Variants in ITFG1 observed in about 807,000 individuals in gnomAD.
The protein encoded by ITFG1 is T-cell immunomodulatory protein.
Under a neutral mutation model 81.8 loss-of-function variants are expected in ITFG1, and 34 were observed. The observed-to-expected ratio is 0.42, with a 90% CI of 0.32 to 0.55. ITFG1 has a LOEUF of 0.55. Ranked by LOEUF, ITFG1 falls within the 20% of genes least tolerant of loss-of-function variation. The probability of loss-of-function intolerance (pLI) is 0.17; values close to 1 mark genes in which losing one functional copy is unlikely to be tolerated. For synonymous variants in ITFG1, 285 were observed against 270.6 expected (o/e 1.05, Z -0.52); for missense variants, 672 against 755.4 (o/e 0.89, Z 1.29).
intron 10 of ITFG1, among the ~76,000 whole-genome samples, chr16:47,265,169 C>A (rs9922882): frequency 2.9e-3 from 233 of 79,128 alleles, no homozygotes; most frequent in African/African-American, 0.01. Context: ...AAATACTTCC[C>A]AGCCTTTTAT....
At chr16:47,405,201 A>ATGG (rs1197883945) in intron 6 of ITFG1, among the ~76,000 whole-genome samples, 1 of 152,186 alleles carries the variant, frequency 6.6e-6, no homozygotes, top group East Asian at 1.9e-4. Flanking sequence ...TAGAGAATAC[A>ATGG]CATAGAAGAT....
intron 14 of ITFG1, among the ~76,000 whole-genome samples, chr16:47,171,502 C>A (rs563379008): frequency 6.6e-6 from 1 of 152,066 alleles, no homozygotes; most frequent in South Asian, 2.1e-4. Flanking sequence ...CTTTTGATTT[C>A]TATGATGATT....
chr16:47,241,130 AAC>A (rs1965929201), intron 12 of ITFG1, among the ~76,000 whole-genome samples: 1 of 152,224 alleles, frequency 6.6e-6, no homozygotes, highest in Non-Finnish European at 1.5e-5. Flanking sequence ...GTTATAATAA[AAC>A]AGTCCAAGAA....
rs141545011 is a variant in ITFG1, at chr16:47,318,068, T to A, written c.803-4245A>T. Reference sequence around the variant, plus strand: ...AACAGTTAGATTTGCATTTTTAACCTAGCTTAGCTGCTAATAATGAGTAAT... The same window carrying A: ...AACAGTTAGATTTGCATTTTTAACCAAGCTTAGCTGCTAATAATGAGTAAT... On this transcript the variant is annotated intron_variant, in intron 8 of 17. Transcript: ENST00000320640. 4.3e-3 allele frequency among the ~76,000 whole-genome samples: 662 copies of A among 152,198 alleles called. 4 individuals carry two copies. Among genetic ancestry groups the A allele is most frequent in the Non-Finnish European group, 5.7e-3 (386 of 68,010 alleles).
intron 14 of ITFG1, among the ~76,000 whole-genome samples, chr16:47,202,802 T>C (rs1965443095): frequency 1.3e-5 from 2 of 152,032 alleles, no homozygotes; most frequent in Admixed American, 1.3e-4. Context: ...AAAACTACAA[T>C]GGGATCCCAC....
intron 5 of ITFG1, chr16:47,450,163 A>T (rs1227836313): frequency 5.9e-6 from 1 of 170,794 alleles, no homozygotes; most frequent in Non-Finnish European, 1.3e-5. Context: ...CCTGCACTCA[A>T]TTCCTCTTGG....
intron 8 of ITFG1, among the ~76,000 whole-genome samples, chr16:47,334,066 A>G (rs963401022): frequency 6.6e-6 from 1 of 152,226 alleles, no homozygotes; most frequent in African/African-American, 2.4e-5. Context: ...GCTTTTAATC[A>G]TGTTCTATTT....
In ITFG1 at chr16:47,181,576, G is replaced by A. The variant is rs1396314879; in HGVS notation, c.1454-18912C>T. On this transcript the variant is annotated intron_variant, in intron 14 of 17. Transcript: ENST00000320640. ...TGGGGGGGGGTCAGCCCCCCCGCCC[G>A]GCCAGCCGCCCCGTCCAGGAGGGAG... Among the ~76,000 whole-genome samples the A allele has an allele frequency of 5.7e-5, 8 of 140,854 alleles. No homozygotes were observed. The East Asian group carries it at 1.2e-3, about 20-fold the overall frequency. The allele number at this position is 140,854 out of a possible 152,430, so 92.4% of individuals were successfully genotyped here. A position where few individuals can be genotyped will look rare whatever the true frequency, so the allele number is the denominator to read the frequency against.
At chr16:47,226,026 A>G (rs1965753113) in intron 13 of ITFG1, among the ~76,000 whole-genome samples, 1 of 152,256 alleles carries the variant, frequency 6.6e-6, no homozygotes, top group East Asian at 1.9e-4. Context: ...TGTTGGTCTC[A>G]TAATGCTTGA....
chr16:47,385,148 T>C (rs1189556653), intron 6 of ITFG1, among the ~76,000 whole-genome samples: 2 of 152,234 alleles, frequency 1.3e-5, no homozygotes, highest in Non-Finnish European at 2.9e-5. Flanking sequence ...AATGCTAACA[T>C]TACCAACACG....
chr16:47,189,768 AC>A (rs1965270294), intron 14 of ITFG1, among the ~76,000 whole-genome samples: 1 of 152,196 alleles, frequency 6.6e-6, no homozygotes, highest in South Asian at 2.1e-4. Context: ...TTTTTGAAGA[AC>A]TGAGTAGTTT....
At chr16:47,231,721 T>C (rs1171435727) in intron 13 of ITFG1, among the ~76,000 whole-genome samples, 1 of 152,218 alleles carries the variant, frequency 6.6e-6, no homozygotes, top group Non-Finnish European at 1.5e-5. Context: ...TTATTGTGTA[T>C]TAGGGCCTAC....
At chr16:47,285,103 T>A (rs1966864497) in intron 10 of ITFG1, among the ~76,000 whole-genome samples, 1 of 152,180 alleles carries the variant, frequency 6.6e-6, no homozygotes, top group African/African-American at 2.4e-5. Flanking sequence ...ATGTTGGGTG[T>A]GTTAGGCCTC....
At chr16:47,177,795 G>A (rs745851739) in intron 14 of ITFG1, among the ~76,000 whole-genome samples, 2 of 152,104 alleles carry the variant, frequency 1.3e-5, no homozygotes, top group Non-Finnish European at 2.9e-5. Context: ...GCCAAAGAAA[G>A]CAAGTGATGA....
At chr16:47,288,885 G>T (rs1252780966) in intron 10 of ITFG1, among the ~76,000 whole-genome samples, 1 of 152,120 alleles carries the variant, frequency 6.6e-6, no homozygotes, top group South Asian at 2.1e-4. Context: ...AACAGTGCGA[G>T]ACTCTTAAAA....
chr16:47,166,211 C>T (rs1422094294), intron 14 of ITFG1, among the ~76,000 whole-genome samples: 1 of 152,204 alleles, frequency 6.6e-6, no homozygotes, highest in Non-Finnish European at 1.5e-5. Flanking sequence ...TTGGTCTCCA[C>T]AACCCCTTAT....
chr16:47,306,723 T>A (rs1967165233), intron 10 of ITFG1, among the ~76,000 whole-genome samples: 1 of 151,456 alleles, frequency 6.6e-6, no homozygotes, highest in Non-Finnish European at 1.5e-5. Flanking sequence ...ATAGAAGAAA[T>A]TCATCTTACT....
chr16:47,217,365 G>T (rs975228988), intron 14 of ITFG1, among the ~76,000 whole-genome samples: 5 of 152,112 alleles, frequency 3.3e-5, no homozygotes, highest in African/African-American at 1.2e-4. Flanking sequence ...TTTTGAGTAT[G>T]CTGGCTCTGC....
At chr16:47,230,457 A>AGATG (rs1191338793) in intron 13 of ITFG1, among the ~76,000 whole-genome samples, 1 of 152,096 alleles carries the variant, frequency 6.6e-6, no homozygotes, top group African/African-American at 2.4e-5. Flanking sequence ...AAGAAAAGAG[A>AGATG]GATGGGTAGT....
Sources: gnomAD v4.1 joint callset for allele counts (sites outside exome capture counted in the v4.1 genomes callset) on GRCh38, gnomAD v4.1.1 for gene constraint, MANE v1.5 for transcripts, NCBI Gene and HGNC (gene_info 2026-07-23, HGNC 2026-07-21) for gene names.